LIN9: variants seen among roughly 807,000 people sequenced by gnomAD.
LIN9 encodes lin-9 DREAM MuvB core complex component.
Under a neutral mutation model 78.0 loss-of-function variants are expected in LIN9, and 18 were observed. The observed-to-expected ratio is 0.23, with a 90% CI of 0.16 to 0.34. LIN9 has a LOEUF of 0.34. Among genes scored for constraint, LIN9 ranks in the 10% least tolerant of loss-of-function variants. The pLI is 1.00. For missense variants in LIN9, 451 were observed against 644.1 expected (o/e 0.70, Z 3.25); for synonymous variants, 192 against 215.2 (o/e 0.89, Z 0.94).
intron 4 of LIN9, among the ~76,000 whole-genome samples, chr1:226,292,958 T>C (rs1558201241): frequency 6.6e-6 from 1 of 152,204 alleles, no homozygotes. Flanking sequence ...TCATAGGAGT[T>C]GTTGAAGATT....
chr1:226,305,315 GA>G lies in LIN9; in HGVS notation c.31+3793del, dbSNP rs111859953. On this transcript the variant is annotated intron_variant, in intron 1 of 14. Coordinates refer to ENST00000681046, the MANE Select transcript of LIN9 (RefSeq NM_001366245.2). ...GGAGACCTCGTCTCTACAAAAAAAAGAAAAAAAAAAAAAAAAAAAAAAAAAA... is the reference window on the plus strand; with the variant it reads ...GGAGACCTCGTCTCTACAAAAAAAAGAAAAAAAAAAAAAAAAAAAAAAAAA... 9.8e-3 allele frequency among the ~76,000 whole-genome samples: 764 copies of G among 77,582 alleles called. 4 individuals are homozygous for G. Among genetic ancestry groups the G allele is most frequent in the African/African-American group, 0.03 (604 of 20,474 alleles). The allele number at this position is 77,582 out of a possible 152,430, so 50.9% of individuals were successfully genotyped here.
chr1:226,280,570 G>A (rs1045267737), intron 6 of LIN9, among the ~76,000 whole-genome samples: 1 of 152,148 alleles, frequency 6.6e-6, no homozygotes, highest in South Asian at 2.1e-4. Context: ...GAGGTCAGGA[G>A]ATCGAGACCA....
At position 226,287,733 on chromosome 1, in the gene LIN9, C is replaced by T. The variant is rs768195308; in HGVS notation, c.329G>A (p.Arg110His). Residue 110 changes from arginine to histidine, a missense_variant, in exon 5 of 15, where the codon CGT becomes CAT. By Grantham distance (29) the Arg-to-His change is conservative (BLOSUM62 0). Coordinates refer to ENST00000681046, the MANE Select transcript of LIN9 (RefSeq NM_001366245.2). ...TGCTTTAGGAAGCTTGAGCAGATTACGTAATCGAAAACCAATCTTCTGTGA... is the reference window on the plus strand; with the variant it reads ...TGCTTTAGGAAGCTTGAGCAGATTATGTAATCGAAAACCAATCTTCTGTGA... The part of the protein sequence containing the change: ...KASQKIGFRL[R>H]NLLKLPKAHK... 1 of 1,552,268 alleles carries T rather than the reference C, an allele frequency of 6.4e-7. No homozygotes were observed.
chr1:226,260,376 T>A (rs1576304944), intron 10 of LIN9, among the ~76,000 whole-genome samples: 1 of 152,082 alleles, frequency 6.6e-6, no homozygotes, highest in East Asian at 1.9e-4. Context: ...AAAGACACAG[T>A]GAAAGAAAAC....
chr1:226,233,488 C>G lies in LIN9; in HGVS notation c.1281G>C (p.Gln427His), dbSNP rs369935371. Residue 427 changes from glutamine (Q) to histidine (H), a missense_variant, in exon 13 of 15, where the codon CAG becomes CAC. Gln to His is a conservative substitution (Grantham distance 24). Transcript: ENST00000681046. The part of the protein sequence containing the change: ...APDQGLQPAD[Q>H]PTDMRRRCEE... The stretch of plus-strand genomic sequence containing the variant: ...CACACCTGCGTCTCATATCTGTTGG[C>G]TGATCTGCAGGCTGGAGCCCCTGGT... 3.0e-5 allele frequency: 48 copies of G among 1,614,038 alleles called. No homozygotes were observed. Among genetic ancestry groups the G allele is most frequent in the Non-Finnish European group, 4.1e-5 (48 of 1,179,980 alleles).
intron 8 of LIN9, among the ~76,000 whole-genome samples, chr1:226,267,301 G>A (rs1021442709): frequency 1.5e-5 from 1 of 67,432 alleles, no homozygotes; most frequent in Non-Finnish European, 2.9e-5. Flanking sequence ...ATATGTGTGT[G>A]TATATATATT....
chr1:226,246,978 C>T (rs1023696867), intron 11 of LIN9, among the ~76,000 whole-genome samples: 4 of 152,018 alleles, frequency 2.6e-5, no homozygotes, highest in Admixed American at 2.0e-4. Context: ...TATTCCGTTA[C>T]ACATTAGACC....
At chr1:226,305,626 G>A (rs903689470) in intron 1 of LIN9, among the ~76,000 whole-genome samples, 3 of 152,010 alleles carry the variant, frequency 2.0e-5, no homozygotes, top group Admixed American at 2.0e-4. Context: ...GGTGTGGGGG[G>A]GTAGCATTCC....
intron 12 of LIN9, among the ~76,000 whole-genome samples, chr1:226,234,480 C>T (rs986428256): frequency 3.3e-5 from 5 of 152,074 alleles, no homozygotes; most frequent in African/African-American, 1.2e-4. Context: ...CAAATTGTCC[C>T]AGATTTGGCC....
intron 12 of LIN9, among the ~76,000 whole-genome samples, chr1:226,233,972 GGTTT>G (rs1558149604): frequency 6.6e-6 from 1 of 152,178 alleles, no homozygotes; most frequent in South Asian, 2.1e-4. Context: ...CCCCAATGTG[GGTTT>G]GTTTGTTTCC....
chr1:226,234,405 C>A (rs1027198117), intron 12 of LIN9, among the ~76,000 whole-genome samples: 2 of 152,056 alleles, frequency 1.3e-5, no homozygotes, highest in Non-Finnish European at 2.9e-5. Context: ...CAGTATGAAC[C>A]CATACTGACA....
intron 4 of LIN9, among the ~76,000 whole-genome samples, chr1:226,293,374 G>A (rs892495816): frequency 6.6e-6 from 1 of 152,172 alleles, no homozygotes; most frequent in African/African-American, 2.4e-5. Context: ...CGACAGGACA[G>A]TGTCACAGTC....
intron 12 of LIN9, among the ~76,000 whole-genome samples, chr1:226,238,451 C>A (rs1259446459): frequency 6.6e-6 from 1 of 151,896 alleles, no homozygotes; most frequent in Admixed American, 6.6e-5. Flanking sequence ...AGCAACATAG[C>A]GAGACTTCAT....
At chr1:226,257,667 AG>A (rs1377366364) in intron 10 of LIN9, among the ~76,000 whole-genome samples, 1 of 152,218 alleles carries the variant, frequency 6.6e-6, no homozygotes, top group Non-Finnish European at 1.5e-5. Flanking sequence ...AAGAAAAAAA[AG>A]TATAACCTAT....
intron 4 of LIN9, 110 bp from the exon 5 acceptor site, chr1:226,287,907 GTTCACTGA>G: frequency 1.4e-6 from 1 of 711,290 alleles, no homozygotes; most frequent in Non-Finnish European, 2.3e-6. Flanking sequence ...ACTTAAAAAG[GTTCACTGA>G]TTCACTGATA....
intron 7 of LIN9, among the ~76,000 whole-genome samples, chr1:226,275,693 G>GAAAAAAAAAAAAAAAAA (rs1272770989): frequency 7.8e-6 from 1 of 128,746 alleles, no homozygotes; most frequent in Non-Finnish European, 1.6e-5. Context: ...CTCCGTCTCA[G>GAAAAAAAAAAAAAAAAA]AAAAAAAAAA....
At chr1:226,280,559 T>G (rs1660983030) in intron 6 of LIN9, among the ~76,000 whole-genome samples, 1 of 152,056 alleles carries the variant, frequency 6.6e-6, no homozygotes, top group African/African-American at 2.4e-5. Flanking sequence ...GGGCGGATCA[T>G]GAGGTCAGGA....
At chr1:226,309,704 G>A (rs964343757), upstream of LIN9, 1 of 1,287,148 alleles carries the variant, frequency 7.8e-7, no homozygotes, top group Non-Finnish European at 1.0e-6. Flanking sequence ...AGCCCCCTGC[G>A]CGTCGCGACG....
At position 226,265,533 on chromosome 1, in the gene LIN9, C is replaced by A; in HGVS notation, c.1038G>T (p.Val346=). The A allele has an allele frequency of 6.3e-7, 1 of 1,580,298 alleles. No individual in the cohort carries two copies. The highest frequency in any genetic ancestry group is 1.1e-5 in the South Asian group (1 of 90,094). ...GGFPVEFLIQ[V]TRLSKILMIK... ...CCAAGATATTCAGAACAATTCTTAC[C>A]ACTTGGATAAGAAATTCTACTGGAA... Residue 346 remains valine, a splice_region_variant and synonymous_variant, in exon 10 of 15, where the codon GTG becomes GTT. Coordinates refer to ENST00000681046, the MANE Select transcript of LIN9 (RefSeq NM_001366245.2). This position sits in a 1 kb window ranked among gnomAD's most constrained non-coding sequence, Gnocchi z 4.1.
Sources: allele counts gnomAD v4.1 joint callset (sites outside exome capture counted in the v4.1 genomes callset), GRCh38; gene constraint gnomAD v4.1.1; non-coding constraint Gnocchi (gnomAD v3.1); transcripts MANE v1.5; gene names NCBI Gene and HGNC (gene_info 2026-07-23, HGNC 2026-07-21).